The following ASTN2 variants were observed in gnomAD, a reference collection of about 807,000 sequenced individuals.
ASTN2 encodes astrotactin 2, also known as astrotactin-2.
A neutral mutation model predicts 139.8 loss-of-function variants in ASTN2; 54 were observed. The ratio of observed to expected loss-of-function variants is 0.39; its 90% CI spans 0.31 to 0.48. The LOEUF is 0.48. Among genes scored for constraint, ASTN2 ranks in the 20% least tolerant of loss-of-function variants. ASTN2 has a pLI of 0.95. For missense variants in ASTN2, 1,565 were observed against 1,725.1 expected, an observed-to-expected ratio of 0.91 and a Z score of 1.64; for synonymous variants, 756 against 719.5, an observed-to-expected ratio of 1.05 and a Z score of -0.81.
At chr9:116,690,411 G>A (rs1376936552) in intron 16 of ASTN2, among the ~76,000 whole-genome samples, 1 of 152,150 alleles carries the variant, frequency 6.6e-6, no homozygotes, top group Non-Finnish European at 1.5e-5. Flanking sequence ...CATTATAGTA[G>A]TTTTATTAGA....
intron 7 of ASTN2, among the ~76,000 whole-genome samples, chr9:116,983,019 T>G (rs2132537981): frequency 6.6e-6 from 1 of 152,256 alleles, no homozygotes; most frequent in Middle Eastern, 3.4e-3. Flanking sequence ...GCTGTCTGAC[T>G]CCCCTCCCCA....
At chr9:117,030,703 A>T (rs1255179956) in intron 6 of ASTN2, among the ~76,000 whole-genome samples, 1 of 151,266 alleles carries the variant, frequency 6.6e-6, no homozygotes, top group African/African-American at 2.4e-5. Context: ...AATGGCTTAA[A>T]TTTTTTTTCT....
rs58796384 is a variant in ASTN2, at chr9:116,447,466, T to C, written c.3498-4913A>G. On this transcript the variant is annotated intron_variant, in intron 20 of 22. Coordinates refer to ENST00000313400, the MANE Select transcript of ASTN2 (RefSeq NM_001365068.1). Reference sequence around the variant, plus strand: ...CACACACAGGTCAGAATGAATGAGGTTCATTTCCCTTTCCTGGAAATCAGT... The same window carrying C: ...CACACACAGGTCAGAATGAATGAGGCTCATTTCCCTTTCCTGGAAATCAGT... 0.013 allele frequency among the ~76,000 whole-genome samples: 1,986 copies of C among 152,008 alleles called. 184 individuals carry two copies. The South Asian group carries it at 0.21, about 16-fold the overall frequency.
chr9:116,702,698 T>C (rs1272368796), intron 16 of ASTN2, among the ~76,000 whole-genome samples: 1 of 152,162 alleles, frequency 6.6e-6, no homozygotes, highest in Non-Finnish European at 1.5e-5. Flanking sequence ...ACAAGCCCTT[T>C]TATAAGGTGT....
At chr9:116,923,857 C>T (rs938136570) in intron 10 of ASTN2, among the ~76,000 whole-genome samples, 1 of 152,176 alleles carries the variant, frequency 6.6e-6, no homozygotes, top group African/African-American at 2.4e-5. Context: ...GAACTCACCA[C>T]TTCAGTGTTG....
At chr9:116,789,753 A>G in intron 13 of ASTN2, among the ~76,000 whole-genome samples, 1 of 152,140 alleles carries the variant, frequency 6.6e-6, no homozygotes. Context: ...AAAGAAAGTA[A>G]TGCTGGCAAA....
chr9:117,053,757 G>A (rs886216088), intron 5 of ASTN2, among the ~76,000 whole-genome samples: 1 of 152,144 alleles, frequency 6.6e-6, no homozygotes, highest in Admixed American at 6.5e-5. Context: ...AAAAGAATTG[G>A]GGCCTTGCAG....
At chr9:116,864,485 T>C (rs528645358) in intron 10 of ASTN2, among the ~76,000 whole-genome samples, 15 of 152,172 alleles carry the variant, frequency 9.9e-5, no homozygotes, top group Non-Finnish European at 1.8e-4. Context: ...CCATAATCCA[T>C]GGATCTGCCA....
intron 1 of ASTN2, among the ~76,000 whole-genome samples, chr9:117,302,045 C>A (rs1052830846): frequency 1.4e-5 from 2 of 140,922 alleles, no homozygotes; most frequent in Non-Finnish European, 3.0e-5. Flanking sequence ...TCTATCTCAC[C>A]ACTGTCAAGG....
intron 1 of ASTN2, among the ~76,000 whole-genome samples, chr9:117,373,531 G>A (rs1226553750): frequency 1.3e-5 from 2 of 152,140 alleles, no homozygotes; most frequent in African/African-American, 4.8e-5. Context: ...CTTGTAATGT[G>A]AGGAACATCC....
At chr9:117,005,951 C>A (rs66632325) in intron 7 of ASTN2, among the ~76,000 whole-genome samples, 15,622 of 152,110 alleles carry the variant, frequency 0.1, 1,071 homozygotes, top group East Asian at 0.21. Flanking sequence ...GGGGAGAACA[C>A]AAGTGCAGGC....
At chr9:116,648,897 G>A (rs1401790450) in intron 17 of ASTN2, among the ~76,000 whole-genome samples, 4 of 152,026 alleles carry the variant, frequency 2.6e-5, no homozygotes, top group Admixed American at 2.0e-4. Flanking sequence ...AGCCAGGCAT[G>A]GTGGTGGACG....
intron 20 of ASTN2, among the ~76,000 whole-genome samples, chr9:116,471,620 G>C (rs944033469): frequency 6.6e-6 from 1 of 151,968 alleles, no homozygotes; most frequent in African/African-American, 2.4e-5. Flanking sequence ...AGGGAGGGGG[G>C]AATTCATATG....
intron 17 of ASTN2, 76 bp from the exon 18 acceptor site, chr9:116,620,519 T>C (rs1051055694): frequency 2.0e-5 from 32 of 1,573,794 alleles, no homozygotes; most frequent in Non-Finnish European, 2.6e-5. Flanking sequence ...CTGATGGCCA[T>C]GATGTGAGCC....
At position 117,229,376 on chromosome 9, in the gene ASTN2, C is replaced by T. The variant is rs116919233; in HGVS notation, c.631-14634G>A. On this transcript the variant is annotated intron_variant, in intron 2 of 22. Transcript: ENST00000313400. ...GCTCCCCACATTCCCTCGGGTTGTA[C>T]ATCTATTGCCTTCCAAGACCCACCC... is the stretch of plus-strand genomic sequence containing the variant. Among the ~76,000 whole-genome samples, 1,491 of 152,338 alleles carry T rather than the reference C, an allele frequency of 9.8e-3. 14 individuals are homozygous for T. The highest frequency in any genetic ancestry group is 0.017 in the Non-Finnish European group (1,166 of 68,034).
At chr9:116,592,350 G>GCC (rs1854410984) in intron 19 of ASTN2, among the ~76,000 whole-genome samples, 1 of 152,106 alleles carries the variant, frequency 6.6e-6, no homozygotes, top group Non-Finnish European at 1.5e-5. Flanking sequence ...ATCTTACATG[G>GCC]TTGGAGCAGG....
At chr9:117,236,174 C>T (rs1051532562) in intron 2 of ASTN2, among the ~76,000 whole-genome samples, 9 of 152,142 alleles carry the variant, frequency 5.9e-5, no homozygotes, top group African/African-American at 1.7e-4. Context: ...CAACAGAGCT[C>T]GGAAATAAAC....
rs537619413 is a variant in ASTN2, at chr9:117,136,716, C to A, written c.1168+4610G>T. On this transcript the variant is annotated intron_variant, in intron 4 of 22. Coordinates refer to ENST00000313400, the MANE Select transcript of ASTN2 (RefSeq NM_001365068.1). The stretch of plus-strand genomic sequence containing the variant: ...CTCAACCAAGCTAGAGGCAGTGGCT[C>A]AGGAAGGGGAAGATGGATTTATGAG... Among the ~76,000 whole-genome samples, 5 of 152,122 alleles carry A rather than the reference C, an allele frequency of 3.3e-5. No homozygotes were observed. In the South Asian group the frequency reaches 1.0e-3, roughly 32 times the overall value.
At chr9:117,208,008 G>C (rs1485608461) in intron 3 of ASTN2, among the ~76,000 whole-genome samples, 4 of 152,124 alleles carry the variant, frequency 2.6e-5, no homozygotes, top group Non-Finnish European at 4.4e-5. Flanking sequence ...ATACAAATAA[G>C]TCTTTCCTTA....
Sources: allele counts gnomAD v4.1 joint callset (sites outside exome capture counted in the v4.1 genomes callset), GRCh38; gene constraint gnomAD v4.1.1; transcripts MANE v1.5; gene names NCBI Gene and HGNC (gene_info 2026-07-23, HGNC 2026-07-21).